Variants in NOL4 observed in about 807,000 individuals in gnomAD.
NOL4 encodes the protein nucleolar protein 4.
In NOL4, 17 loss-of-function variants were observed where a neutral mutation model predicts 75.9. The ratio of observed to expected loss-of-function variants is 0.22; its 90% confidence interval spans 0.15 to 0.34. The LOEUF (loss-of-function observed/expected upper bound fraction) is 0.34. NOL4 is among the 10% of genes least tolerant of loss of function. The probability of loss-of-function intolerance (pLI) is 1.00; values close to 1 mark genes in which losing one functional copy is unlikely to be tolerated. For missense variants in NOL4, 614 were observed against 793.5 expected (o/e 0.77, Z 2.72); for synonymous variants, 292 against 289.9 (o/e 1.01, Z -0.07).
intron 5 of NOL4, among the ~76,000 whole-genome samples, chr18:34,076,300 A>C (rs2077741558): frequency 1.3e-5 from 2 of 152,144 alleles, no homozygotes; most frequent in African/African-American, 4.8e-5. Context: ...TGTAGTGCGC[A>C]CAAACTTTTT....
chr18:34,221,877 A>G, intron 1 of NOL4: 1 of 619,936 alleles, frequency 1.6e-6, no homozygotes. Flanking sequence ...CCTTTCTAGC[A>G]TCCTCCAGGA....
At chr18:34,071,087 G>A (rs1266909163) in intron 5 of NOL4, among the ~76,000 whole-genome samples, 2 of 152,114 alleles carry the variant, frequency 1.3e-5, no homozygotes, top group Non-Finnish European at 2.9e-5. Context: ...GTAACTAAAA[G>A]AGAAGATTCT....
intron 5 of NOL4, among the ~76,000 whole-genome samples, chr18:34,034,191 G>C (rs975841301): frequency 3.9e-5 from 6 of 151,964 alleles, no homozygotes; most frequent in Admixed American, 1.3e-4. Context: ...CAAAATGACA[G>C]ACAATAAGGA....
At chr18:33,932,765 T>C (rs2067785890) in intron 9 of NOL4, among the ~76,000 whole-genome samples, 4 of 152,230 alleles carry the variant, frequency 2.6e-5, no homozygotes, top group Admixed American at 6.5e-5. Context: ...GGCCCCATCC[T>C]GAGCAATTCT....
chr18:34,161,079 T>C (rs907375812), intron 1 of NOL4, among the ~76,000 whole-genome samples: 4 of 152,176 alleles, frequency 2.6e-5, no homozygotes, highest in African/African-American at 9.7e-5. Context: ...ATTTATCTTT[T>C]TGTGCGTGGC....
intron 10 of NOL4, among the ~76,000 whole-genome samples, chr18:33,881,464 C>T (rs1415104742): frequency 6.6e-6 from 1 of 151,612 alleles, no homozygotes; most frequent in Admixed American, 6.6e-5. Flanking sequence ...GGGAATGCTT[C>T]CAGTTTTTGC....
At chr18:33,896,325 A>C (rs997995148) in intron 9 of NOL4, among the ~76,000 whole-genome samples, 1 of 152,134 alleles carries the variant, frequency 6.6e-6, no homozygotes, top group Non-Finnish European at 1.5e-5. Flanking sequence ...TATGAAACCA[A>C]GGCAGTCCTA....
At chr18:33,926,609 T>C (rs1048988924) in intron 9 of NOL4, among the ~76,000 whole-genome samples, 21 of 152,162 alleles carry the variant, frequency 1.4e-4, no homozygotes, top group Non-Finnish European at 2.8e-4. Context: ...TGTTTGTTTG[T>C]TTGTTTGTTT....
chr18:33,999,873 C>T (rs1005673529), intron 6 of NOL4, among the ~76,000 whole-genome samples: 1 of 151,938 alleles, frequency 6.6e-6, no homozygotes, highest in East Asian at 1.9e-4. Flanking sequence ...TGGTTGGTAT[C>T]GAAGCCCTGA....
intron 2 of NOL4, among the ~76,000 whole-genome samples, chr18:34,122,822 A>ATT (rs201716964): frequency 4.6e-5 from 7 of 150,892 alleles, no homozygotes; most frequent in African/African-American, 1.7e-4. Flanking sequence ...TGGTCATTTT[A>ATT]TTTTTTTTTA....
chr18:34,187,710 A>C (rs2034597271), intron 1 of NOL4, among the ~76,000 whole-genome samples: 1 of 152,170 alleles, frequency 6.6e-6, no homozygotes, highest in African/African-American at 2.4e-5. Context: ...TAATGCTAAA[A>C]TATTTCATTG....
intron 6 of NOL4, among the ~76,000 whole-genome samples, chr18:34,006,088 T>G (rs1015972247): frequency 2.0e-4 from 30 of 152,122 alleles, no homozygotes; most frequent in Non-Finnish European, 3.7e-4. Flanking sequence ...CTGGTATTTC[T>G]CTTTCAGAAA....
intron 9 of NOL4, among the ~76,000 whole-genome samples, chr18:33,930,722 G>A (rs1469891377): frequency 6.6e-6 from 1 of 152,098 alleles, no homozygotes; most frequent in South Asian, 2.1e-4. Context: ...CATTCTGTTT[G>A]CAGCAAAATA....
chr18:34,093,907 C>T (rs1210426707), intron 4 of NOL4, among the ~76,000 whole-genome samples: 13 of 151,600 alleles, frequency 8.6e-5, no homozygotes, highest in South Asian at 2.1e-4. Context: ...CCAGGTGTGG[C>T]GGTGAGTGCC....
At chr18:33,912,185 C>T (rs1423757363) in intron 9 of NOL4, among the ~76,000 whole-genome samples, 1 of 151,964 alleles carries the variant, frequency 6.6e-6, no homozygotes, top group Non-Finnish European at 1.5e-5. Flanking sequence ...TTTCATTTTC[C>T]AAAATTGAGT....
At chr18:34,022,724 T>A (rs983911280) in intron 5 of NOL4, among the ~76,000 whole-genome samples, 2 of 152,026 alleles carry the variant, frequency 1.3e-5, no homozygotes, top group Non-Finnish European at 2.9e-5. Context: ...TTTGTCAATA[T>A]GTTATTAGGT....
intron 6 of NOL4, among the ~76,000 whole-genome samples, chr18:33,977,724 T>C (rs2071614673): frequency 6.6e-6 from 1 of 152,222 alleles, no homozygotes; most frequent in African/African-American, 2.4e-5. Context: ...ATGTGACATA[T>C]AAATATATTC....
At chr18:34,162,504 C>T (rs1394292259) in intron 1 of NOL4, among the ~76,000 whole-genome samples, 1 of 152,118 alleles carries the variant, frequency 6.6e-6, no homozygotes, top group Non-Finnish European at 1.5e-5. Flanking sequence ...TGGATAAATT[C>T]CTGGACACAT....
intron 5 of NOL4, among the ~76,000 whole-genome samples, chr18:34,070,240 C>G (rs190136148): frequency 2.0e-5 from 3 of 152,226 alleles, no homozygotes; most frequent in Non-Finnish European, 4.4e-5. Context: ...ACCATGGTCT[C>G]GATATCCTGA....
Sources: allele counts gnomAD v4.1 joint callset (sites outside exome capture counted in the v4.1 genomes callset), GRCh38; gene constraint gnomAD v4.1.1; transcripts MANE v1.5; gene names NCBI Gene and HGNC (gene_info 2026-07-23, HGNC 2026-07-21).